CALN1: variants seen among roughly 807,000 people sequenced by gnomAD.
CALN1 encodes the protein calneuron 1.
Under a neutral mutation model 30.6 loss-of-function variants are expected in CALN1, and 17 were observed. That is an observed-to-expected ratio of 0.56 (90% CI 0.38 to 0.83). CALN1 has a LOEUF of 0.83. Among genes scored for constraint, CALN1 ranks in the 40% least tolerant of loss-of-function variants. The pLI is 0.00. For missense variants in CALN1, 291 were observed against 354.9 expected, an observed-to-expected ratio of 0.82 and a Z score of 1.45; for synonymous variants, 156 against 131.4, an observed-to-expected ratio of 1.19 and a Z score of -1.28.
intron 5 of CALN1, among the ~76,000 whole-genome samples, chr7:71,812,806 T>C (rs1788033453): frequency 6.6e-6 from 1 of 152,044 alleles, no homozygotes; most frequent in East Asian, 1.9e-4. Flanking sequence ...TGCTGTGGTG[T>C]GATCACAGCT....
chr7:72,069,493 TC>T (rs199875028), intron 4 of CALN1, among the ~76,000 whole-genome samples: 1,765 of 152,286 alleles, frequency 0.012, 20 homozygotes, highest in Middle Eastern at 0.02. Flanking sequence ...CTTTGCCTCT[TC>T]CAGCTTGTGG....
intron 5 of CALN1, among the ~76,000 whole-genome samples, chr7:71,962,696 GAGA>G (rs1003591279): frequency 2.6e-5 from 4 of 152,310 alleles, no homozygotes; most frequent in Middle Eastern, 6.8e-3. Flanking sequence ...GTGCCGTGAG[GAGA>G]AGATTTCTCT....
chr7:72,271,386 G>C (rs1796959782), intron 3 of CALN1, among the ~76,000 whole-genome samples: 1 of 151,222 alleles, frequency 6.6e-6, no homozygotes, highest in Admixed American at 6.6e-5. Flanking sequence ...GGAATGCATG[G>C]TGAATATCTA....
chr7:72,308,144 G>C (rs939556715), intron 2 of CALN1, among the ~76,000 whole-genome samples: 9 of 152,108 alleles, frequency 5.9e-5, no homozygotes, highest in African/African-American at 2.2e-4. Context: ...CAGGTGGATT[G>C]CTTGAGGTCA....
intron 3 of CALN1, among the ~76,000 whole-genome samples, chr7:72,266,545 T>A (rs1290027464): frequency 6.6e-6 from 1 of 152,224 alleles, no homozygotes; most frequent in Non-Finnish European, 1.5e-5. Context: ...TCATATTTTT[T>A]TCCTTCCTCC....
chr7:72,162,256 C>A (rs2129544898), intron 3 of CALN1, among the ~76,000 whole-genome samples: 1 of 152,148 alleles, frequency 6.6e-6, no homozygotes, highest in Non-Finnish European at 1.5e-5. Flanking sequence ...AAATATATAA[C>A]AATTGTTGGC....
intron 2 of CALN1, among the ~76,000 whole-genome samples, chr7:72,294,623 C>G (rs1798724349): frequency 6.6e-6 from 1 of 151,890 alleles, no homozygotes; most frequent in African/African-American, 2.4e-5. Flanking sequence ...GTGGTGCGCA[C>G]CTGTAGTCTC....
At chr7:72,375,761 C>T (rs1002173912) in intron 2 of CALN1, among the ~76,000 whole-genome samples, 5 of 152,058 alleles carry the variant, frequency 3.3e-5, no homozygotes, top group Admixed American at 6.6e-5. Flanking sequence ...AGATTACAAG[C>T]ATGACTCACT....
intron 4 of CALN1, among the ~76,000 whole-genome samples, chr7:72,030,718 T>C (rs1435887010): frequency 6.6e-6 from 1 of 152,078 alleles, no homozygotes. Flanking sequence ...CACAACGTGG[T>C]GGACATGGTT....
Position 72,411,558 on chromosome 7 carries a change from A to G in CALN1, c.-74+500T>C, listed in dbSNP as rs370797427. ...GTGTCACTGAAAAGACGTCAAGGTA[A>G]TAAAACTCAGGCAATGAGCACTCAA... On this transcript the variant is annotated intron_variant, in intron 1 of 6. Transcript: ENST00000395275. Among the ~76,000 whole-genome samples, 21 of 152,344 alleles carry G rather than the reference A, an allele frequency of 1.4e-4. No homozygotes were observed. In the East Asian group the frequency reaches 2.3e-3, roughly 17 times the overall value.
intron 3 of CALN1, among the ~76,000 whole-genome samples, chr7:72,121,050 T>A (rs1430018695): frequency 6.7e-6 from 1 of 148,536 alleles, no homozygotes; most frequent in African/African-American, 2.5e-5. Flanking sequence ...TTATATTATA[T>A]ACATATTATC....
chr7:72,412,065 C>G lies in CALN1; in HGVS notation c.-81G>C, dbSNP rs563642706. 1 of 152,318 alleles carries G rather than the reference C, an allele frequency of 6.6e-6. No homozygotes were observed. The highest frequency in any genetic ancestry group is 1.9e-4 in the East Asian group (1 of 5,180). 9.4% of individuals were successfully genotyped at this position (152,318 alleles called of 1,614,324 possible). A position where few individuals can be genotyped will look rare whatever the true frequency, so the allele number is the denominator to read the frequency against. On this transcript the variant is annotated 5_prime_UTR_variant, in exon 1 of 7. Coordinates refer to ENST00000395275, the MANE Select transcript of CALN1 (RefSeq NM_031468.4). ...TTTAGTTTCTGTGCCCACCTGTGTG[C>G]GGAATTTATTCCTTCTGCTGGGTTG...
the CALN1 span, among the ~76,000 whole-genome samples, chr7:72,463,563 T>G: frequency 6.6e-6 from 1 of 152,044 alleles, no homozygotes; most frequent in Non-Finnish European, 1.5e-5. Context: ...CTACTTTATT[T>G]TATTTTATTT....
chr7:71,791,345 A>G (rs1793373232), intron 6 of CALN1, among the ~76,000 whole-genome samples: 3 of 152,194 alleles, frequency 2.0e-5, no homozygotes, highest in African/African-American at 7.2e-5. Context: ...ATCGAATGGT[A>G]GTTCTGTTTC....
chr7:72,256,652 G>A (rs1317938156), intron 3 of CALN1, among the ~76,000 whole-genome samples: 5 of 150,720 alleles, frequency 3.3e-5, no homozygotes, highest in African/African-American at 7.3e-5. Context: ...TGTCACCCAC[G>A]CTGGAACACA....
At chr7:71,798,274 G>A (rs533332025) in intron 6 of CALN1, among the ~76,000 whole-genome samples, 1 of 151,588 alleles carries the variant, frequency 6.6e-6, no homozygotes, top group South Asian at 2.1e-4. Flanking sequence ...AAGAATCTTG[G>A]TTGGCTTTCT....
At chr7:72,245,811 G>C (rs1215746392) in intron 3 of CALN1, among the ~76,000 whole-genome samples, 1 of 152,100 alleles carries the variant, frequency 6.6e-6, no homozygotes, top group Non-Finnish European at 1.5e-5. Flanking sequence ...AAACTCAAAA[G>C]ACCAGTTCTT....
intron 3 of CALN1, among the ~76,000 whole-genome samples, chr7:72,173,324 AATAT>A (rs148899936): frequency 6.6e-6 from 1 of 151,508 alleles, no homozygotes; most frequent in Non-Finnish European, 1.5e-5. Context: ...GACCTAAATG[AATAT>A]ATATATATAT....
chr7:72,127,451 C>T (rs1050536648), intron 3 of CALN1, among the ~76,000 whole-genome samples: 2 of 152,186 alleles, frequency 1.3e-5, no homozygotes, highest in Admixed American at 6.5e-5. Flanking sequence ...AGAGGAGTCA[C>T]GGGATCTGAC....
Sources: allele counts gnomAD v4.1 joint callset (sites outside exome capture counted in the v4.1 genomes callset), GRCh38; gene constraint gnomAD v4.1.1; transcripts MANE v1.5; gene names NCBI Gene and HGNC (gene_info 2026-07-23, HGNC 2026-07-21).